The following EPHA3 variants were observed in gnomAD, a reference collection of about 807,000 sequenced individuals.
EPHA3 encodes ephrin type-A receptor 3.
EPHA3 carries 42 observed loss-of-function variants against 107.1 expected under a neutral mutation model. That is an observed-to-expected ratio of 0.39 (90% CI 0.31 to 0.51). EPHA3 has a LOEUF of 0.51. EPHA3 is among the 20% of genes least tolerant of loss of function. The pLI, the probability that EPHA3 is intolerant of heterozygous loss-of-function variation, is 0.78. For synonymous variants in EPHA3, 461 were observed against 424.8 expected (o/e 1.09, Z -1.05); for missense variants, 1,183 against 1,211.2 (o/e 0.98, Z 0.35).
rs56717904 is a variant in EPHA3, at chr3:89,357,106, C to CAAAAAAAAAAAA, written c.1306+15035_1306+15046dup. The stretch of plus-strand genomic sequence containing the variant: ...CTGGTGAAAGAGTGAGACCCTGTCT[C>CAAAAAAAAAAAA]AAAAAAAAAAAAAAAAAAAAAAAAA... On this transcript the variant is annotated intron_variant, in intron 5 of 16. Transcript: ENST00000336596. Among the ~76,000 whole-genome samples the CAAAAAAAAAAAA allele has an allele frequency of 9.4e-4, 15 of 16,000 alleles. 2 individuals carry two copies. Among genetic ancestry groups the CAAAAAAAAAAAA allele is most frequent in the Non-Finnish European group, 1.2e-3 (11 of 8,862 alleles). 10.5% of individuals were successfully genotyped at this position (16,000 alleles called of 152,430 possible). A position where few individuals can be genotyped will look rare whatever the true frequency, so the allele number is the denominator to read the frequency against.
intron 3 of EPHA3, among the ~76,000 whole-genome samples, chr3:89,266,968 A>T (rs1369776863): frequency 6.6e-6 from 1 of 152,120 alleles, no homozygotes; most frequent in Admixed American, 6.6e-5. Flanking sequence ...CTTAAAAAAA[A>T]TTTCAAATAG....
intron 3 of EPHA3, among the ~76,000 whole-genome samples, chr3:89,240,119 C>T (rs1195709500): frequency 6.6e-6 from 1 of 152,134 alleles, no homozygotes; most frequent in Non-Finnish European, 1.5e-5. Context: ...GACTCTAGTT[C>T]TGGGACAAAA....
chr3:89,396,315 C>CA (rs1442881235), intron 6 of EPHA3, among the ~76,000 whole-genome samples: 5 of 152,112 alleles, frequency 3.3e-5, no homozygotes, highest in Non-Finnish European at 7.3e-5. Flanking sequence ...TTCATTGCCT[C>CA]AAGCATCATT....
intron 2 of EPHA3, among the ~76,000 whole-genome samples, chr3:89,155,229 T>G (rs1704773212): frequency 6.6e-6 from 1 of 151,958 alleles, no homozygotes; most frequent in Non-Finnish European, 1.5e-5. Flanking sequence ...ATTTTTTATC[T>G]GTAATAGCTT....
intron 3 of EPHA3, among the ~76,000 whole-genome samples, chr3:89,270,760 C>T (rs1460160439): frequency 6.6e-6 from 1 of 151,972 alleles, no homozygotes; most frequent in Non-Finnish European, 1.5e-5. Context: ...TAAAAATTGT[C>T]TGTGCTTTTT....
chr3:89,447,141 G>A (rs1709891687), intron 13 of EPHA3, among the ~76,000 whole-genome samples: 1 of 152,164 alleles, frequency 6.6e-6, no homozygotes, highest in South Asian at 2.1e-4. Context: ...CTAGGCATAT[G>A]TAGATGAGTG....
At chr3:89,169,517 T>A (rs528186703) in intron 2 of EPHA3, among the ~76,000 whole-genome samples, 1 of 152,342 alleles carries the variant, frequency 6.6e-6, no homozygotes, top group East Asian at 1.9e-4. Context: ...ATAAAATATA[T>A]CAACTTGTTT....
At chr3:89,386,585 T>G (rs147994256) in intron 5 of EPHA3, among the ~76,000 whole-genome samples, 1 of 152,342 alleles carries the variant, frequency 6.6e-6, no homozygotes, top group Non-Finnish European at 1.5e-5. Flanking sequence ...TAGAGACCTC[T>G]GCAAGGGCAG....
intron 5 of EPHA3, among the ~76,000 whole-genome samples, chr3:89,367,709 A>G (rs1487597485): frequency 6.6e-6 from 1 of 150,716 alleles, no homozygotes; most frequent in Non-Finnish European, 1.5e-5. Context: ...ATTCTCCAGG[A>G]TATTTTGAAA....
At chr3:89,460,675 C>T (rs1389966113) in intron 15 of EPHA3, among the ~76,000 whole-genome samples, 2 of 148,016 alleles carry the variant, frequency 1.4e-5, no homozygotes, top group Non-Finnish European at 3.0e-5. Context: ...ATCGAACAAC[C>T]AAAAGACAAT....
intron 15 of EPHA3, among the ~76,000 whole-genome samples, chr3:89,458,001 T>TGGTAGGAAGAAC (rs1473470437): frequency 6.6e-6 from 1 of 151,992 alleles, no homozygotes; most frequent in Non-Finnish European, 1.5e-5. Context: ...TCATTGACAG[T>TGGTAGGAAGAAC]GGTAGGAAGA....
intron 3 of EPHA3, among the ~76,000 whole-genome samples, chr3:89,217,161 C>G (rs1704239772): frequency 6.6e-6 from 1 of 152,120 alleles, no homozygotes; most frequent in Admixed American, 6.5e-5. Context: ...ACAGCTCTGA[C>G]AGCTGGCACT....
intron 3 of EPHA3, among the ~76,000 whole-genome samples, chr3:89,274,363 C>T (rs1474475833): frequency 1.3e-5 from 2 of 151,842 alleles, no homozygotes; most frequent in Non-Finnish European, 2.9e-5. Flanking sequence ...TTATTTAATA[C>T]TTTATGAATA....
At chr3:89,138,369 T>C (rs546120115) in intron 2 of EPHA3, among the ~76,000 whole-genome samples, 25 of 151,980 alleles carry the variant, frequency 1.6e-4, no homozygotes, top group South Asian at 6.2e-4. Context: ...ACAGTATTTA[T>C]ATATCTGGAA....
At chr3:89,349,660 T>C (rs1707758611) in intron 5 of EPHA3, among the ~76,000 whole-genome samples, 3 of 142,458 alleles carry the variant, frequency 2.1e-5, no homozygotes, top group African/African-American at 8.0e-5. Flanking sequence ...CCTGTCATTA[T>C]GATGTTAGCT....
intron 3 of EPHA3, among the ~76,000 whole-genome samples, chr3:89,253,609 A>G (rs1417951578): frequency 6.6e-6 from 1 of 152,158 alleles, no homozygotes; most frequent in East Asian, 1.9e-4. Context: ...TGTAAACTTT[A>G]AAGATATTGT....
At chr3:89,278,216 C>T (rs774681652) in intron 3 of EPHA3, among the ~76,000 whole-genome samples, 12 of 151,992 alleles carry the variant, frequency 7.9e-5, no homozygotes, top group Non-Finnish European at 1.8e-4. Flanking sequence ...TTCTTAATCC[C>T]AGGCATATTG....
intron 2 of EPHA3, among the ~76,000 whole-genome samples, chr3:89,175,019 G>A (rs1313317873): frequency 6.6e-6 from 1 of 150,744 alleles, no homozygotes; most frequent in African/African-American, 2.4e-5. Context: ...GTTAAACTAA[G>A]CTTCAAAAAT....
At chr3:89,163,380 C>G (rs1287319181) in intron 2 of EPHA3, among the ~76,000 whole-genome samples, 1 of 151,702 alleles carries the variant, frequency 6.6e-6, no homozygotes, top group Non-Finnish European at 1.5e-5. Flanking sequence ...TTTGAGGGGT[C>G]GGGGGAGAAG....
Sources: allele counts gnomAD v4.1 joint callset (sites outside exome capture counted in the v4.1 genomes callset), GRCh38; gene constraint gnomAD v4.1.1; transcripts MANE v1.5; gene names NCBI Gene and HGNC (gene_info 2026-07-23, HGNC 2026-07-21).